Variants in PCDHGA9 observed in about 807,000 individuals in gnomAD.
PCDHGA9 encodes the protein protocadherin gamma-A9.
PCDHGA9 carries 37 observed loss-of-function variants against 62.5 expected under a neutral mutation model. That is an observed-to-expected ratio of 0.59 (90% CI 0.46 to 0.78). The LOEUF (loss-of-function observed/expected upper bound fraction) is 0.78, where lower values mean the gene tolerates loss of function less well. Among genes scored for constraint, PCDHGA9 ranks in the 30% least tolerant of loss-of-function variants. The probability of loss-of-function intolerance (pLI) is 0.00; values close to 1 mark genes in which losing one functional copy is unlikely to be tolerated. For synonymous variants in PCDHGA9, 459 were observed against 484.6 expected, an observed-to-expected ratio of 0.95 and a Z score of 0.69; for missense variants, 1,138 against 1,166.2, an observed-to-expected ratio of 0.98 and a Z score of 0.35.
At chr5:141,483,323 G>A (rs2099579999) in intron 1 of PCDHGA9, among the ~76,000 whole-genome samples, 1 of 152,104 alleles carries the variant, frequency 6.6e-6, no homozygotes, top group Non-Finnish European at 1.5e-5. Flanking sequence ...GGGACTGGAG[G>A]CAAAGAGATC....
chr5:141,448,179 G>C (rs763996329), intron 1 of PCDHGA9, among the ~76,000 whole-genome samples: 1 of 151,982 alleles, frequency 6.6e-6, no homozygotes, highest in Non-Finnish European at 1.5e-5. Context: ...ATTCATCCCT[G>C]GTTATGTACA....
At chr5:141,482,530 C>CAAAAAA (rs3074545) in intron 1 of PCDHGA9, among the ~76,000 whole-genome samples, 68 of 76,370 alleles carry the variant, frequency 8.9e-4, no homozygotes, top group African/African-American at 1.2e-3. Context: ...GACAGACATG[C>CAAAAAA]AAAAAAAAAA....
At chr5:141,492,553 G>A (rs1184580300) in intron 1 of PCDHGA9, among the ~76,000 whole-genome samples, 1 of 152,148 alleles carries the variant, frequency 6.6e-6, no homozygotes, top group Non-Finnish European at 1.5e-5. Flanking sequence ...CGGGTCGCCT[G>A]GGGGGCGGCC....
In PCDHGA9 at chr5:141,485,872, G is replaced by A; in HGVS notation, c.2425-8935G>A. ...CCGCAGAGCTCCGGGTATCCGTGCT[G>A]GACGTAAACGACAACGCCCCAGCCT... On this transcript the variant is annotated intron_variant, in intron 1 of 3. Transcript: ENST00000573521. The surrounding 1 kb of genome is among the most constrained non-coding windows in gnomAD (Gnocchi z 5.7). 1 of 1,614,170 alleles carries A rather than the reference G, an allele frequency of 6.2e-7. No homozygotes were observed. The highest frequency in any genetic ancestry group is 2.2e-5 in the East Asian group (1 of 44,876).
Position 141,405,385 on chromosome 5 carries a change from A to G in PCDHGA9, c.2424+9A>G. 6.2e-7 allele frequency: 1 copy of G among 1,600,058 alleles called. No individual in the cohort carries two copies. Among genetic ancestry groups the G allele is most frequent in the Non-Finnish European group, 8.5e-7 (1 of 1,174,904 alleles). Reference sequence around the variant, plus strand: ...ACACCCCTTTGGTTCCGGTGAGTTCATTTTTTTTCTTTCTTTCTTTTCTTT... The same window carrying G: ...ACACCCCTTTGGTTCCGGTGAGTTCGTTTTTTTTCTTTCTTTCTTTTCTTT... On this transcript the variant is annotated intron_variant, in intron 1 of 3. Transcript: ENST00000573521.
At position 141,489,380 on chromosome 5, in the gene PCDHGA9, A is replaced by G. The variant is rs753226956; in HGVS notation, c.2425-5427A>G. ...TCTGAGCCGGGGACGCTGGTGGGGA[A>G]TGTTGCTCAGGATCTGGGCTTAAAG... is the stretch of plus-strand genomic sequence containing the variant. On this transcript the variant is annotated intron_variant, in intron 1 of 3. Transcript: ENST00000573521. The surrounding 1 kb of genome is among the most constrained non-coding windows in gnomAD (Gnocchi z 4.5). The G allele has an allele frequency of 1.9e-6, 3 of 1,613,874 alleles. No individual in the cohort carries two copies. Among genetic ancestry groups the G allele is most frequent in the Admixed American group, 1.7e-5 (1 of 60,026 alleles).
intron 1 of PCDHGA9, among the ~76,000 whole-genome samples, chr5:141,469,951 T>C (rs1467717372): frequency 6.6e-6 from 1 of 152,034 alleles, no homozygotes; most frequent in African/African-American, 2.4e-5. Flanking sequence ...GCCAGCATGG[T>C]GAAACCCCAT....
At chr5:141,408,818 A>G in intron 1 of PCDHGA9, 1 of 1,613,578 alleles carries the variant, frequency 6.2e-7, no homozygotes, top group South Asian at 1.1e-5. Flanking sequence ...GGAAGAACAG[A>G]GATCTCATAG....
intron 1 of PCDHGA9, among the ~76,000 whole-genome samples, chr5:141,463,117 A>G (rs2099053039): frequency 6.6e-6 from 1 of 152,196 alleles, no homozygotes; most frequent in African/African-American, 2.4e-5. Context: ...TTCAGCTAAT[A>G]GCTCCCTGGC....
chr5:141,404,553 C>T lies in PCDHGA9; in HGVS notation c.1601C>T (p.Ala534Val). 1 of 1,613,766 alleles carries T rather than the reference C, an allele frequency of 6.2e-7. No homozygotes were observed. The highest frequency in any genetic ancestry group is 8.5e-7 in the Non-Finnish European group (1 of 1,179,668). The change falls in exon 1 of 4, where the codon GCA becomes GTA. Residue 534 changes from alanine to valine, a missense_variant. Physicochemically the swap from Ala to Val is moderately conservative, Grantham distance 64. Transcript: ENST00000573521. ...AGAGATTTGCAAATGCAGGTGACGG[C>T]AAGTGACAGTGGAAGCCCACCACTT... ...QFRDLQMQVTASDSGSPPLSS... is the reference protein window; with the variant it reads ...QFRDLQMQVTVSDSGSPPLSS...
At chr5:141,415,198 G>T in intron 1 of PCDHGA9, 2 of 1,614,038 alleles carry the variant, frequency 1.2e-6, no homozygotes, top group Non-Finnish European at 1.7e-6. Context: ...CATCCCCCAA[G>T]TCCTGGCGGA....
chr5:141,425,742 A>T (rs1315830227), intron 1 of PCDHGA9, among the ~76,000 whole-genome samples: 1 of 152,246 alleles, frequency 6.6e-6, no homozygotes, highest in Non-Finnish European at 1.5e-5. Flanking sequence ...GTTTTCCCAC[A>T]AGGTTTTTGT....
At position 141,476,973 on chromosome 5, in the gene PCDHGA9, A is replaced by C. The variant is rs1205314116; in HGVS notation, c.2425-17834A>C. Reference sequence around the variant, plus strand: ...GAAATTATTTACTCCTTCGGCAGCCACAACCGCGCCGGCGTGCGGCAACTA... The same window carrying C: ...GAAATTATTTACTCCTTCGGCAGCCCCAACCGCGCCGGCGTGCGGCAACTA... On this transcript the variant is annotated intron_variant, in intron 1 of 3. Coordinates refer to ENST00000573521, the MANE Select transcript of PCDHGA9 (RefSeq NM_018921.3). The surrounding 1 kb of genome is among the most constrained non-coding windows in gnomAD (Gnocchi z 7.6). 6.2e-7 allele frequency: 1 copy of C among 1,614,230 alleles called. No homozygotes were observed. The highest frequency in any genetic ancestry group is 2.2e-5 in the East Asian group (1 of 44,884).
chr5:141,420,840 T>A (rs2096528017), intron 1 of PCDHGA9, among the ~76,000 whole-genome samples: 1 of 152,250 alleles, frequency 6.6e-6, no homozygotes, highest in African/African-American at 2.4e-5. Flanking sequence ...TCGCAGGTGT[T>A]CTTGGTAAAG....
At chr5:141,414,043 G>A in intron 1 of PCDHGA9, 1 of 1,611,348 alleles carries the variant, frequency 6.2e-7, no homozygotes, top group Non-Finnish European at 8.5e-7. Context: ...AAAATTACCT[G>A]ACACGCAATT....
At chr5:141,426,726 G>A (rs916323483) in intron 1 of PCDHGA9, 2 of 448,052 alleles carry the variant, frequency 4.5e-6, no homozygotes, top group South Asian at 1.6e-5. Flanking sequence ...AGCAATTCCA[G>A]GCATTCGGTT....
At position 141,493,157 on chromosome 5, in the gene PCDHGA9, T is replaced by C. The variant is rs1261889479; in HGVS notation, c.2425-1650T>C. ...TTGAAACACCCCCAGGTGATTTTGATAGCTGATTGAGAGAAACTTACTATA... is the reference window on the plus strand; with the variant it reads ...TTGAAACACCCCCAGGTGATTTTGACAGCTGATTGAGAGAAACTTACTATA... On this transcript the variant is annotated intron_variant, in intron 1 of 3. Coordinates refer to ENST00000573521, the MANE Select transcript of PCDHGA9 (RefSeq NM_018921.3). This position sits in a 1 kb window ranked among gnomAD's most constrained non-coding sequence, Gnocchi z 4.3. 2.0e-5 allele frequency among the ~76,000 whole-genome samples: 3 copies of C among 152,224 alleles called. No individual in the cohort carries two copies. Among genetic ancestry groups the C allele is most frequent in the Admixed American group, 6.5e-5 (1 of 15,286 alleles).
At chr5:141,445,855 T>C (rs1432695384) in intron 1 of PCDHGA9, among the ~76,000 whole-genome samples, 1 of 152,222 alleles carries the variant, frequency 6.6e-6, no homozygotes, top group Non-Finnish European at 1.5e-5. Flanking sequence ...CTTAAAATTC[T>C]GGATTTTGTT....
intron 1 of PCDHGA9, chr5:141,428,826 A>G (rs190740602): frequency 1.3e-5 from 2 of 149,304 alleles, no homozygotes; most frequent in South Asian, 2.1e-4. Context: ...GCTTTCATGT[A>G]TTTTTGAAAC....
Sources: gnomAD v4.1 joint callset for allele counts (sites outside exome capture counted in the v4.1 genomes callset) on GRCh38, gnomAD v4.1.1 for gene constraint, Gnocchi (gnomAD v3.1) non-coding constraint, MANE v1.5 for transcripts, NCBI Gene and HGNC (gene_info 2026-07-23, HGNC 2026-07-21) for gene names.